Variants in GPC6 observed in about 807,000 individuals in gnomAD.
The protein encoded by GPC6 is glypican 6.
A neutral mutation model predicts 55.2 loss-of-function variants in GPC6; 14 were observed. The observed-to-expected ratio is 0.25, with a 90% confidence interval of 0.17 to 0.40. The LOEUF (loss-of-function observed/expected upper bound fraction) is 0.40. GPC6 is among the 10% of genes least tolerant of loss of function. The pLI is 1.00. For missense variants in GPC6, 641 were observed against 708.5 expected (o/e 0.90, Z 1.08); for synonymous variants, 278 against 259.6 (o/e 1.07, Z -0.68).
chr13:93,655,497 A>G (rs1880621676), intron 2 of GPC6, among the ~76,000 whole-genome samples: 1 of 152,200 alleles, frequency 6.6e-6, no homozygotes, highest in Non-Finnish European at 1.5e-5. Context: ...TCTTGGTGGA[A>G]TGTCAGTGAA....
At chr13:93,742,219 T>C (rs1406348319) in intron 2 of GPC6, among the ~76,000 whole-genome samples, 6 of 152,212 alleles carry the variant, frequency 3.9e-5, no homozygotes, top group Admixed American at 3.3e-4. Context: ...AGGAACAAGA[T>C]GGAAATATGA....
chr13:93,418,578 A>G (rs146232338), intron 1 of GPC6, among the ~76,000 whole-genome samples: 2,878 of 151,256 alleles, frequency 0.019, 111 homozygotes, highest in African/African-American at 0.066. Context: ...GCACTATACC[A>G]TAGTATCATT....
chr13:93,974,915 TA>T (rs1220725454), intron 3 of GPC6, among the ~76,000 whole-genome samples: 1 of 152,084 alleles, frequency 6.6e-6, no homozygotes, highest in Non-Finnish European at 1.5e-5. Flanking sequence ...AACTAAGGCT[TA>T]GGGGAAATAG....
chr13:93,712,430 G>A (rs1883102671), intron 2 of GPC6, among the ~76,000 whole-genome samples: 2 of 151,602 alleles, frequency 1.3e-5, no homozygotes, highest in Admixed American at 1.3e-4. Context: ...TATAAAGTAT[G>A]TCCTCACCTG....
chr13:93,899,886 T>A (rs1016197035), intron 3 of GPC6, among the ~76,000 whole-genome samples: 13 of 152,196 alleles, frequency 8.5e-5, no homozygotes, highest in Non-Finnish European at 1.5e-4. Context: ...AATTGTGCTT[T>A]AAAAACATGT....
intron 1 of GPC6, among the ~76,000 whole-genome samples, chr13:93,438,796 A>G (rs1014180920): frequency 8.5e-5 from 13 of 152,302 alleles, no homozygotes; most frequent in African/African-American, 3.1e-4. Flanking sequence ...TTGTGAAAGA[A>G]GTTCTACTGT....
chr13:93,912,616 G>A (rs368494306), intron 3 of GPC6, among the ~76,000 whole-genome samples: 170 of 152,190 alleles, frequency 1.1e-3, no homozygotes, highest in East Asian at 1.5e-3. Context: ...GGTGGCGGGC[G>A]CCTGTAGTCC....
intron 1 of GPC6, among the ~76,000 whole-genome samples, chr13:93,394,359 T>G (rs1024192196): frequency 1.3e-5 from 2 of 152,162 alleles, no homozygotes; most frequent in Non-Finnish European, 2.9e-5. Context: ...CCACACATAT[T>G]ATAGTAAGTA....
intron 2 of GPC6, among the ~76,000 whole-genome samples, chr13:93,555,841 A>C (rs1400362953): frequency 6.6e-6 from 1 of 152,190 alleles, no homozygotes; most frequent in African/African-American, 2.4e-5. Flanking sequence ...GACTGAACTC[A>C]GAAAGGATCT....
chr13:93,513,447 T>G (rs1478908690), intron 1 of GPC6, among the ~76,000 whole-genome samples: 1 of 152,212 alleles, frequency 6.6e-6, no homozygotes, highest in Non-Finnish European at 1.5e-5. Flanking sequence ...TCATTGTAAT[T>G]TTACTATTGT....
chr13:94,108,266 T>C (rs1455811508), intron 4 of GPC6, among the ~76,000 whole-genome samples: 1 of 152,052 alleles, frequency 6.6e-6, no homozygotes, highest in African/African-American at 2.4e-5. Flanking sequence ...GAGACTATTA[T>C]CCTAAGTGAA....
intron 1 of GPC6, among the ~76,000 whole-genome samples, chr13:93,307,605 A>T (rs1037665166): frequency 9.2e-5 from 14 of 152,198 alleles, no homozygotes; most frequent in African/African-American, 3.4e-4. Context: ...ATATTAACTC[A>T]GTATGAGTTT....
intron 1 of GPC6, among the ~76,000 whole-genome samples, chr13:93,443,226 A>T (rs915119220): frequency 3.3e-5 from 5 of 152,202 alleles, no homozygotes; most frequent in African/African-American, 1.2e-4. Context: ...ATTTTATCAG[A>T]TGTTCAGAAA....
chr13:93,898,256 T>C lies in GPC6; in HGVS notation c.711+67711T>C, dbSNP rs143486246. Among the ~76,000 whole-genome samples the C allele has an allele frequency of 9.9e-3, 1,500 of 152,254 alleles. 10 individuals carry two copies. The highest frequency in any genetic ancestry group is 0.016 in the Non-Finnish European group (1,090 of 68,010). ...ATCACTGGCCTTATTGGTCACCGTA[T>C]TGACACCATAATGGTGCAATAAATA... is the stretch of plus-strand genomic sequence containing the variant. On this transcript the variant is annotated intron_variant, in intron 3 of 8. Transcript: ENST00000377047.
At chr13:93,580,610 G>A (rs1173827862) in intron 2 of GPC6, among the ~76,000 whole-genome samples, 2 of 152,092 alleles carry the variant, frequency 1.3e-5, no homozygotes, top group African/African-American at 4.8e-5. Context: ...ATAAAAATAG[G>A]TGTCTTTATG....
chr13:93,643,725 T>C (rs764011613), intron 2 of GPC6, among the ~76,000 whole-genome samples: 4 of 152,004 alleles, frequency 2.6e-5, no homozygotes, highest in Non-Finnish European at 5.9e-5. Context: ...GAGGCCAGAG[T>C]TTTCCTTTTG....
At chr13:94,278,884 G>A (rs913535909) in intron 4 of GPC6, among the ~76,000 whole-genome samples, 5 of 152,126 alleles carry the variant, frequency 3.3e-5, no homozygotes, top group African/African-American at 1.2e-4. Flanking sequence ...CAGGGATATT[G>A]GCCTGAAGTT....
At chr13:93,356,386 C>T (rs1880849068) in intron 1 of GPC6, among the ~76,000 whole-genome samples, 1 of 152,110 alleles carries the variant, frequency 6.6e-6, no homozygotes, top group African/African-American at 2.4e-5. Context: ...AGACTTTGTG[C>T]CCATAATAGC....
chr13:94,314,338 G>A (rs1268288018), intron 6 of GPC6, among the ~76,000 whole-genome samples: 1 of 152,176 alleles, frequency 6.6e-6, no homozygotes, highest in South Asian at 2.1e-4. Context: ...AACATCTGTA[G>A]CGTCCTTAAT....
Sources: gnomAD v4.1 joint callset for allele counts (sites outside exome capture counted in the v4.1 genomes callset) on GRCh38, gnomAD v4.1.1 for gene constraint, MANE v1.5 for transcripts, NCBI Gene and HGNC (gene_info 2026-07-23, HGNC 2026-07-21) for gene names.